The following DTNA variants were observed in gnomAD, a reference collection of about 807,000 sequenced individuals.
DTNA encodes the protein dystrophin-related protein 3.
A neutral mutation model predicts 100.7 loss-of-function variants in DTNA; 43 were observed. The ratio of observed to expected loss-of-function variants is 0.43; its 90% CI spans 0.33 to 0.55. DTNA has a LOEUF of 0.55. Ranked by LOEUF, DTNA falls within the 20% of genes least tolerant of loss-of-function variation. DTNA has a pLI of 0.04. For missense variants in DTNA, 798 were observed against 953.9 expected (o/e 0.84, Z 2.15); for synonymous variants, 349 against 347.9 (o/e 1.00, Z -0.04).
At chr18:34,567,001 A>G (rs762576204) in intron 1 of DTNA, among the ~76,000 whole-genome samples, 1 of 152,220 alleles carries the variant, frequency 6.6e-6, no homozygotes, top group Non-Finnish European at 1.5e-5. Flanking sequence ...TGTTGGAAAG[A>G]CACTGAATAA....
chr18:34,809,604 G>A (rs796324393), intron 5 of DTNA, among the ~76,000 whole-genome samples: 39 of 152,208 alleles, frequency 2.6e-4, no homozygotes, highest in Middle Eastern at 3.4e-3. Flanking sequence ...TCTAATTCAC[G>A]TTAAGCCAAA....
intron 1 of DTNA, among the ~76,000 whole-genome samples, chr18:34,633,734 T>C (rs1484971580): frequency 6.6e-6 from 1 of 152,152 alleles, no homozygotes; most frequent in Admixed American, 6.5e-5. Context: ...TTGCTAAGAA[T>C]GGGGCCAGCC....
At position 34,782,544 on chromosome 18, in the gene DTNA, G is replaced by A. The variant is rs151310345; in HGVS notation, c.149-11493G>A. On this transcript the variant is annotated intron_variant, in intron 3 of 22. Transcript: ENST00000444659. ...AAAGGGAGAAAGTAATCCTACCTGA[G>A]GGTATAAGAATGAGCATCCTCAGGG... is the stretch of plus-strand genomic sequence containing the variant. Among the ~76,000 whole-genome samples the A allele has an allele frequency of 3.9e-5, 6 of 152,336 alleles. No homozygotes were observed. The East Asian group carries it at 1.2e-3, about 29-fold the overall frequency.
intron 1 of DTNA, among the ~76,000 whole-genome samples, chr18:34,556,887 T>A (rs9886920): frequency 7.0e-6 from 1 of 143,384 alleles, no homozygotes; most frequent in Non-Finnish European, 1.5e-5. Context: ...TTGTGGCATT[T>A]TCTGTATTTC....
rs1256927460 is a variant in DTNA, at chr18:34,852,931, CAT to C, written c.1532+1004_1532+1005del. ...GTCACTTATCACTATCTGAAATAAT[CAT>C]GTGTGTTTGTTTCTTCGTTTATTGT... On this transcript the variant is annotated intron_variant, in intron 15 of 22. Transcript: ENST00000444659. 5.3e-5 allele frequency among the ~76,000 whole-genome samples: 8 copies of C among 152,184 alleles called. No homozygotes were observed. In the East Asian group the frequency reaches 1.5e-3, roughly 29 times the overall value.
intron 1 of DTNA, among the ~76,000 whole-genome samples, chr18:34,713,916 T>C (rs1465769069): frequency 1.3e-5 from 2 of 152,142 alleles, no homozygotes; most frequent in African/African-American, 2.4e-5. Flanking sequence ...GATTTGGCTC[T>C]CTGTCTGTTG....
At chr18:34,496,759 G>T (rs1263558792) in intron 1 of DTNA, among the ~76,000 whole-genome samples, 2 of 152,180 alleles carry the variant, frequency 1.3e-5, no homozygotes, top group South Asian at 2.1e-4. Flanking sequence ...TCTATTAAAG[G>T]ATTCTGGACT....
chr18:34,792,510 G>A (rs1307674129), intron 3 of DTNA, among the ~76,000 whole-genome samples: 1 of 152,170 alleles, frequency 6.6e-6, no homozygotes, highest in Admixed American at 6.5e-5. Flanking sequence ...CCAGGAGAGA[G>A]CAATGAGGTA....
chr18:34,503,277 T>A (rs990911207), intron 1 of DTNA, among the ~76,000 whole-genome samples: 3 of 138,434 alleles, frequency 2.2e-5, no homozygotes, highest in Non-Finnish European at 4.6e-5. Flanking sequence ...TATAATTGGC[T>A]CATTTTTTTT....
intron 20 of DTNA, among the ~76,000 whole-genome samples, chr18:34,881,194 A>G (rs2096868299): frequency 6.6e-6 from 1 of 152,198 alleles, no homozygotes; most frequent in Non-Finnish European, 1.5e-5. Context: ...GTTCCAACCT[A>G]GAAACTTCTT....
At chr18:34,618,527 T>C (rs186995400) in intron 1 of DTNA, among the ~76,000 whole-genome samples, 3 of 152,228 alleles carry the variant, frequency 2.0e-5, no homozygotes, top group East Asian at 3.9e-4. Context: ...ACTTTACAAT[T>C]CTCTCAGTCT....
chr18:34,728,774 A>G (rs1191131517), intron 1 of DTNA, among the ~76,000 whole-genome samples: 3 of 152,182 alleles, frequency 2.0e-5, no homozygotes. Context: ...TAGCTCCTGG[A>G]AAGAGGCTTC....
Position 34,890,398 on chromosome 18 carries a change from TCTTTC to T in DTNA, c.*2668_*2672del. On this transcript the variant is annotated 3_prime_UTR_variant, in exon 23 of 23. Coordinates refer to ENST00000444659, the MANE Select transcript of DTNA (RefSeq NM_001386795.1). ...GGGGTTTTGTGTTTTTTGGTGGGTT[TCTTTC>T]CTTGGCTCTCCAGATTTACTTTTGG... 6.5e-7 allele frequency: 1 copy of T among 1,536,178 alleles called. No individual in the cohort carries two copies. Among genetic ancestry groups the T allele is most frequent in the Non-Finnish European group, 8.7e-7 (1 of 1,146,916 alleles).
intron 1 of DTNA, among the ~76,000 whole-genome samples, chr18:34,641,080 T>C (rs971943574): frequency 6.6e-6 from 1 of 152,052 alleles, no homozygotes; most frequent in African/African-American, 2.4e-5. Context: ...CTAGTAAAAA[T>C]AAATATTAAA....
At chr18:34,801,634 C>T (rs61152820) in intron 4 of DTNA, among the ~76,000 whole-genome samples, 18,801 of 151,522 alleles carry the variant, frequency 0.12, 1,269 homozygotes, top group African/African-American at 0.17. Context: ...CCTCAGCCTC[C>T]GAAGTAGCTG....
intron 1 of DTNA, among the ~76,000 whole-genome samples, chr18:34,633,323 T>C (rs1219331644): frequency 6.6e-6 from 1 of 152,136 alleles, no homozygotes; most frequent in Non-Finnish European, 1.5e-5. Flanking sequence ...AAAGCTATGA[T>C]GTTGCAATAT....
At chr18:34,688,996 G>T (rs2079326208) in intron 1 of DTNA, among the ~76,000 whole-genome samples, 1 of 151,956 alleles carries the variant, frequency 6.6e-6, no homozygotes, top group African/African-American at 2.4e-5. Flanking sequence ...CCTCCATCAG[G>T]TCATTTATGT....
intron 1 of DTNA, among the ~76,000 whole-genome samples, chr18:34,730,230 T>A (rs1227232481): frequency 3.3e-5 from 5 of 152,212 alleles, no homozygotes; most frequent in African/African-American, 1.2e-4. Context: ...GGGGAACTGC[T>A]GGGTGAGGAA....
At chr18:34,795,466 T>A (rs999986891) in intron 4 of DTNA, among the ~76,000 whole-genome samples, 3 of 152,198 alleles carry the variant, frequency 2.0e-5, no homozygotes, top group African/African-American at 7.2e-5. Flanking sequence ...GATGTACAGC[T>A]CTAGCTTAAT....
Sources: gnomAD v4.1 joint callset for allele counts (sites outside exome capture counted in the v4.1 genomes callset) on GRCh38, gnomAD v4.1.1 for gene constraint, MANE v1.5 for transcripts, NCBI Gene and HGNC (gene_info 2026-07-23, HGNC 2026-07-21) for gene names.